Variants in RBFOX3 observed in about 807,000 individuals in gnomAD.
RBFOX3 encodes RNA binding fox-1 homolog 3, also known as RNA binding protein fox-1 homolog 3.
Under a neutral mutation model 48.7 loss-of-function variants are expected in RBFOX3, and 17 were observed. The ratio of observed to expected loss-of-function variants is 0.35; its 90% CI spans 0.24 to 0.52. RBFOX3 has a LOEUF of 0.52. Among genes scored for constraint, RBFOX3 ranks in the 20% least tolerant of loss-of-function variants. The probability of loss-of-function intolerance (pLI) is 0.94; values close to 1 mark genes in which losing one functional copy is unlikely to be tolerated. For synonymous variants in RBFOX3, 212 were observed against 209.5 expected (o/e 1.01, Z -0.10); for missense variants, 382 against 497.5 (o/e 0.77, Z 2.21).
chr17:79,323,002 C>G (rs1397043745), intron 2 of RBFOX3, among the ~76,000 whole-genome samples: 3 of 152,146 alleles, frequency 2.0e-5, no homozygotes, highest in East Asian at 1.9e-4. Flanking sequence ...GTAAGAAGTA[C>G]GTGGGGGCAT....
At chr17:79,100,591 A>G (rs947063485) in intron 9 of RBFOX3, among the ~76,000 whole-genome samples, 14 of 151,994 alleles carry the variant, frequency 9.2e-5, no homozygotes, top group African/African-American at 3.4e-4. Context: ...GGCCGATCAC[A>G]TGGGGGGCCA....
At chr17:79,208,812 C>T (rs59084489) in intron 4 of RBFOX3, among the ~76,000 whole-genome samples, 18,760 of 150,704 alleles carry the variant, frequency 0.12, 1,489 homozygotes, top group East Asian at 0.34. Context: ...TGCTCTTTCT[C>T]TCTTTCTTTT....
intron 13 of RBFOX3, among the ~76,000 whole-genome samples, chr17:79,094,772 G>A (rs1025501083): frequency 6.6e-6 from 1 of 150,456 alleles, no homozygotes; most frequent in Admixed American, 6.6e-5. Context: ...TGACCCTGAC[G>A]GGGTGGGGGG....
rs1374014674 is a variant in RBFOX3, at chr17:79,477,911, C to T, written c.-175+4543G>A. On this transcript the variant is annotated intron_variant, in intron 2 of 14. Transcript: ENST00000693108. This position sits in a 1 kb window ranked among gnomAD's most constrained non-coding sequence, Gnocchi z 4.8. ...GATGCCCCTGTAGGAAGGAGAGACC[C>T]CAGCAACGTCCTTCAGCTGGGCACC... Among the ~76,000 whole-genome samples, 1 of 152,094 alleles carries T rather than the reference C, an allele frequency of 6.6e-6. No individual in the cohort carries two copies.
In RBFOX3 at chr17:79,524,696, C is replaced by T. The variant is rs1420687526; in HGVS notation, c.-319-42098G>A. Among the ~76,000 whole-genome samples, 10 of 152,152 alleles carry T rather than the reference C, an allele frequency of 6.6e-5. No individual in the cohort carries two copies. In the East Asian group the frequency reaches 7.7e-4, roughly 12 times the overall value. On this transcript the variant is annotated intron_variant, in intron 1 of 14. Coordinates refer to ENST00000693108, the MANE Select transcript of RBFOX3 (RefSeq NM_001350451.2). Reference sequence around the variant, plus strand: ...CTGCTGCCCCCGGCCGGGCTGGGAGCGTGGAGCAGACACGGGCACTGCATC... The same window carrying T: ...CTGCTGCCCCCGGCCGGGCTGGGAGTGTGGAGCAGACACGGGCACTGCATC...
At chr17:79,165,967 C>T (rs941725830) in intron 4 of RBFOX3, among the ~76,000 whole-genome samples, 3 of 152,232 alleles carry the variant, frequency 2.0e-5, no homozygotes, top group African/African-American at 4.8e-5. Flanking sequence ...GCAGGGCACC[C>T]GCGTGCACTG....
At chr17:79,620,511 A>T in the RBFOX3 span, among the ~76,000 whole-genome samples, 4 of 148,296 alleles carry the variant, frequency 2.7e-5, no homozygotes, top group African/African-American at 1.0e-4. Flanking sequence ...ACACATGCGC[A>T]TACGTGCACA....
At chr17:79,653,845 C>T in the RBFOX3 span, among the ~76,000 whole-genome samples, 1 of 144,368 alleles carries the variant, frequency 6.9e-6, no homozygotes, top group Non-Finnish European at 1.5e-5. Context: ...GAGTTTGAGG[C>T]CAGCCTAGGC....
At chr17:79,427,226 G>A (rs1029982117) in intron 2 of RBFOX3, among the ~76,000 whole-genome samples, 10 of 152,304 alleles carry the variant, frequency 6.6e-5, no homozygotes, top group East Asian at 1.9e-4. Context: ...CAATCTGTCC[G>A]GGGAAGCAGT....
In RBFOX3 at chr17:79,421,537, G is replaced by A. The variant is rs1350223103; in HGVS notation, c.-175+60917C>T. ...GGGACAGGGCCCAGGGCCTCACCTGGACAGGAGGCGAGGCTCAAATGACCC... is the reference window on the plus strand; with the variant it reads ...GGGACAGGGCCCAGGGCCTCACCTGAACAGGAGGCGAGGCTCAAATGACCC... On this transcript the variant is annotated intron_variant, in intron 2 of 14. Transcript: ENST00000693108. This position sits in a 1 kb window ranked among gnomAD's most constrained non-coding sequence, Gnocchi z 4.5. 1.3e-5 allele frequency among the ~76,000 whole-genome samples: 2 copies of A among 152,122 alleles called. No homozygotes were observed. The highest frequency in any genetic ancestry group is 2.4e-5 in the African/African-American group (1 of 41,426).
chr17:79,313,174 C>T (rs1423502343), intron 2 of RBFOX3, among the ~76,000 whole-genome samples: 2 of 152,194 alleles, frequency 1.3e-5, no homozygotes, highest in Non-Finnish European at 2.9e-5. Context: ...TTAATAGCTG[C>T]CCCCCTTGCT....
At chr17:79,618,278 G>T in the RBFOX3 span, among the ~76,000 whole-genome samples, 1 of 152,172 alleles carries the variant, frequency 6.6e-6, no homozygotes, top group Non-Finnish European at 1.5e-5. Flanking sequence ...AGTGTCTCCG[G>T]GAACAGGCGC....
intron 2 of RBFOX3, among the ~76,000 whole-genome samples, chr17:79,419,605 C>T (rs202220319): frequency 1.3e-5 from 2 of 152,234 alleles, no homozygotes; most frequent in East Asian, 3.8e-4. Context: ...GAAGCCCCTT[C>T]ATCTCCAGAC....
intron 1 of RBFOX3, among the ~76,000 whole-genome samples, chr17:79,550,738 T>C (rs1348850947): frequency 2.0e-5 from 3 of 152,126 alleles, no homozygotes; most frequent in East Asian, 3.9e-4. Flanking sequence ...GATGGAAGAA[T>C]GGATAAGCGG....
chr17:79,149,315 G>A (rs1011224296), intron 4 of RBFOX3, among the ~76,000 whole-genome samples: 5 of 152,196 alleles, frequency 3.3e-5, no homozygotes, highest in South Asian at 2.1e-4. Context: ...GTGCAGCCAC[G>A]GGGAGCCCAG....
chr17:79,511,313 T>A lies in RBFOX3; in HGVS notation c.-319-28715A>T, dbSNP rs2084160053. On this transcript the variant is annotated intron_variant, in intron 1 of 14. Transcript: ENST00000693108. ...GTGGGGTGTCATGCAGTATGACATG[T>A]TACCTATGCATTTAGGTTTTAAACT... Among the ~76,000 whole-genome samples, 4 of 152,204 alleles carry A rather than the reference T, an allele frequency of 2.6e-5. No homozygotes were observed. In the South Asian group the frequency reaches 8.3e-4, roughly 32 times the overall value.
intron 1 of RBFOX3, among the ~76,000 whole-genome samples, chr17:79,577,224 G>A (rs1024301818): frequency 1.3e-5 from 2 of 152,214 alleles, no homozygotes; most frequent in Non-Finnish European, 2.9e-5. Flanking sequence ...CCAAAAGCTA[G>A]ATTTCCGACA....
chr17:79,611,130 T>TCTCTC (rs1491548376), upstream of RBFOX3, among the ~76,000 whole-genome samples: 1,901 of 37,788 alleles, frequency 0.05, 859 homozygotes, highest in Non-Finnish European at 0.056. Context: ...TCCGCCCTCC[T>TCTCTC]TCTCTCTCTC....
chr17:79,374,736 A>G (rs2059008414), intron 2 of RBFOX3, among the ~76,000 whole-genome samples: 2 of 152,218 alleles, frequency 1.3e-5, no homozygotes, highest in South Asian at 4.1e-4. Context: ...CAAAACAGAT[A>G]ACTTAAGGAA....
Sources: allele counts gnomAD v4.1 joint callset (sites outside exome capture counted in the v4.1 genomes callset), GRCh38; gene constraint gnomAD v4.1.1; non-coding constraint Gnocchi (gnomAD v3.1); transcripts MANE v1.5; gene names NCBI Gene and HGNC (gene_info 2026-07-23, HGNC 2026-07-21).